Variants in CLSPN observed in about 807,000 individuals in gnomAD.
CLSPN encodes claspin.
In CLSPN, 85 loss-of-function variants were observed where a neutral mutation model predicts 156.3. The ratio of observed to expected loss-of-function variants is 0.54; its 90% CI spans 0.46 to 0.65. The LOEUF is 0.65. Ranked by LOEUF, CLSPN falls within the 30% of genes least tolerant of loss-of-function variation. The pLI is 0.00. For missense variants in CLSPN, 1,407 were observed against 1,554.9 expected (o/e 0.90, Z 1.60); for synonymous variants, 534 against 542.4 (o/e 0.98, Z 0.22).
chr1:35,738,100 GAA>G lies in CLSPN; in HGVS notation c.3559-5_3559-4del, dbSNP rs367728453. 112 of 355,768 alleles carry G rather than the reference GAA, an allele frequency of 3.1e-4. 6 individuals are homozygous for G. The highest frequency in any genetic ancestry group is 2.9e-3 in the Admixed American group (28 of 9,714). The allele number at this position is 355,768 out of a possible 1,614,324, so 22.0% of individuals were successfully genotyped here. A position where few individuals can be genotyped will look rare whatever the true frequency, so the allele number is the denominator to read the frequency against. On this transcript the variant is annotated splice_region_variant and splice_polypyrimidine_tract_variant and intron_variant, in intron 21 of 24. Transcript: ENST00000318121. ...GCTGTAATTTTCCCCTGCTGTGCCT[GAA>G]AAAAAAAAAAAATATATATATATAT...
chr1:35,722,178 C>T (rs751104613), intron 24 of CLSPN, among the ~76,000 whole-genome samples: 2 of 150,812 alleles, frequency 1.3e-5, no homozygotes, highest in Middle Eastern at 3.5e-3. Context: ...AAGCCTATAT[C>T]GTGCTCTGCA....
chr1:35,737,872 G>T, intron 22 of CLSPN, 120 bp downstream of exon 22: 1 of 514,788 alleles, frequency 1.9e-6, no homozygotes, highest in Non-Finnish European at 3.4e-6. Flanking sequence ...GCCTCTTTAA[G>T]ACAGTATTAG....
intron 23 of CLSPN, 60 bp downstream of exon 23, chr1:35,737,279 G>A: frequency 1.4e-6 from 2 of 1,450,152 alleles, no homozygotes; most frequent in Non-Finnish European, 1.9e-6. Context: ...TCTCTAAGCT[G>A]GACCTGGGCC....
At chr1:35,738,147 TAA>T in intron 21 of CLSPN, 50 bp from the exon 22 acceptor site, 1 of 708,832 alleles carries the variant, frequency 1.4e-6, no homozygotes, top group Non-Finnish European at 2.0e-6. Context: ...TATACAGCAT[TAA>T]AAGTCTATAA....
At position 35,768,753 on chromosome 1, in the gene CLSPN, T is replaced by C. The variant is rs61776922; in HGVS notation, c.24+1094A>G. On this transcript the variant is annotated intron_variant, in intron 1 of 24. Coordinates refer to ENST00000318121, the MANE Select transcript of CLSPN (RefSeq NM_022111.4). ...CAATCCAAAGCAGTAAAACTATTAC[T>C]TCTGTTTGTGAGTGTGGAAACCGAA... is the stretch of plus-strand genomic sequence containing the variant. Among the ~76,000 whole-genome samples the C allele has an allele frequency of 3.8e-3, 581 of 152,238 alleles. 1 individual carries two copies. Among genetic ancestry groups the C allele is most frequent in the Non-Finnish European group, 6.6e-3 (448 of 68,012 alleles).
chr1:35,736,091 G>T lies in CLSPN; in HGVS notation c.*405C>A, dbSNP rs150212867. ...AAATTAGCTGGGCGTATTGGCACAT[G>T]CCTGTAATCCCAGCTACTCGGGAGG... On this transcript the variant is annotated 3_prime_UTR_variant, in exon 25 of 25. Coordinates refer to ENST00000318121, the MANE Select transcript of CLSPN (RefSeq NM_022111.4). 1,985 of 528,490 alleles carry T rather than the reference G, an allele frequency of 3.8e-3. 19 individuals are homozygous for T. The highest frequency in any genetic ancestry group is 0.033 in the African/African-American group (1,600 of 48,262). 32.7% of individuals were successfully genotyped at this position (528,490 alleles called of 1,614,324 possible).
At position 35,733,622 on chromosome 1, in the gene CLSPN, T is replaced by G; in HGVS notation, c.*2874A>C. On this transcript the variant is annotated 3_prime_UTR_variant, in exon 25 of 25. Coordinates refer to ENST00000318121, the MANE Select transcript of CLSPN (RefSeq NM_022111.4). ...GAGTTCAAAGAAAGAGGCAAAAACA[T>G]GTATCTTGAACCCATGGATAAAATG... The G allele has an allele frequency of 1.0e-6, 1 of 985,420 alleles. No individual in the cohort carries two copies. 61.0% of individuals were successfully genotyped at this position (985,420 alleles called of 1,614,324 possible).
chr1:35,764,612 G>A lies in CLSPN; in HGVS notation c.236C>T (p.Thr79Ile). The change falls in exon 3 of 25, where the codon ACT becomes ATT. Residue 79 changes from threonine to isoleucine, a missense_variant. By Grantham distance (89) the Thr-to-Ile change is moderately conservative (BLOSUM62 -1). Transcript: ENST00000318121. ...TTCCTCCTCGGCACTGTCATAGGTA[G>A]TTTTCTCTGGAGAGGCATTTGTGTC... ...TEDTNASPEK[T>I]TYDSAEEENK... 5 of 1,613,104 alleles carry A rather than the reference G, an allele frequency of 3.1e-6. No homozygotes were observed. Among genetic ancestry groups the A allele is most frequent in the Non-Finnish European group, 4.2e-6 (5 of 1,179,678 alleles).
At chr1:35,756,896 G>A (rs1193548777) in intron 8 of CLSPN, among the ~76,000 whole-genome samples, 1 of 152,072 alleles carries the variant, frequency 6.6e-6, no homozygotes, top group Non-Finnish European at 1.5e-5. Context: ...TTCCTTTGCT[G>A]AAAACCTTTC....
At chr1:35,728,055 C>T (rs1641232757), downstream of CLSPN, among the ~76,000 whole-genome samples, 1 of 149,290 alleles carries the variant, frequency 6.7e-6, no homozygotes, top group Non-Finnish European at 1.5e-5. Flanking sequence ...AATGTTGCTG[C>T]TCAAGGTAAC....
chr1:35,755,755 C>CTGGAG (rs1227428376), intron 8 of CLSPN, among the ~76,000 whole-genome samples: 1 of 152,138 alleles, frequency 6.6e-6, no homozygotes, highest in Non-Finnish European at 1.5e-5. Flanking sequence ...GTTGCTCAGG[C>CTGGAG]TGGAGTGCAG....
At chr1:35,741,645 AT>A (rs1641694761) in intron 18 of CLSPN, among the ~76,000 whole-genome samples, 1 of 152,004 alleles carries the variant, frequency 6.6e-6, no homozygotes, top group Non-Finnish European at 1.5e-5. Flanking sequence ...TAAAATAAAT[AT>A]TTTACTTTCA....
chr1:35,763,235 A>T lies in CLSPN; in HGVS notation c.669T>A (p.Asn223Lys). The T allele has an allele frequency of 6.2e-7, 1 of 1,609,944 alleles. No homozygotes were observed. The highest frequency in any genetic ancestry group is 8.5e-7 in the Non-Finnish European group (1 of 1,178,886). ...DLFETGLEDE[N>K]NSPLEDEESL... Reference sequence around the variant, plus strand: ...ACTCTTCATCTTCCAATGGAGAGTTATTTTCATCCTCCAACCCAGTTTCAA... The same window carrying T: ...ACTCTTCATCTTCCAATGGAGAGTTTTTTTCATCCTCCAACCCAGTTTCAA... Residue 223 changes from asparagine (N) to lysine (K), a missense_variant, in exon 4 of 25, where the codon AAT (asparagine) becomes AAA (lysine). This residue lies in a region of CLSPN where 1,096 missense variants were observed against 1,193.0 expected (regional missense o/e 0.92). Coordinates refer to ENST00000318121, the MANE Select transcript of CLSPN (RefSeq NM_022111.4).
exon 25 of CLSPN, chr1:35,720,850 T>C (rs1336229615): frequency 7.1e-7 from 1 of 1,403,640 alleles, no homozygotes; most frequent in Admixed American, 1.7e-5. Flanking sequence ...CTGCCCAGAA[T>C]AGCCCTTCTC....
chr1:35,756,707 A>G (rs1642283650), intron 8 of CLSPN, among the ~76,000 whole-genome samples: 1 of 152,234 alleles, frequency 6.6e-6, no homozygotes, highest in Non-Finnish European at 1.5e-5. Flanking sequence ...AGCAACAGAA[A>G]TAATGTATTT....
chr1:35,755,598 G>A (rs1031151035), intron 8 of CLSPN, among the ~76,000 whole-genome samples: 5 of 151,926 alleles, frequency 3.3e-5, no homozygotes, highest in African/African-American at 4.8e-5. Flanking sequence ...TGTAGAGACC[G>A]GTTTTGCCAT....
chr1:35,721,176 C>T (rs1641065627), intron 24 of CLSPN, among the ~76,000 whole-genome samples: 1 of 152,100 alleles, frequency 6.6e-6, no homozygotes, highest in Non-Finnish European at 1.5e-5. Context: ...AAGGTGGTGA[C>T]CCCAGGGTCT....
rs920840363 is a variant in CLSPN at position 35,753,865 on chromosome 1, C to T, written c.1651G>A (p.Val551Met). 7 of 1,614,242 alleles carry T rather than the reference C, an allele frequency of 4.3e-6. No individual in the cohort carries two copies. The highest frequency in any genetic ancestry group is 5.9e-6 in the Non-Finnish European group (7 of 1,180,044). Residue 551 changes from valine to methionine, a missense_variant, in exon 9 of 25, where the codon GTG becomes ATG. Around this residue, in one of 3 missense-constraint regions of CLSPN, gnomAD observed 1,096 missense variants for 1,193.0 expected, o/e 0.92. Transcript: ENST00000318121. ...PAAKPRAGQT[V>M]NVNVIVKDMG... is the part of the protein sequence containing the mutation. ...TCTTTCACTATGACGTTCACATTCA[C>T]TGTCTGACCAGCCCTGGGTTTGGCT...
intron 12 of CLSPN, 61 bp from the exon 13 acceptor site, chr1:35,748,665 GAA>G (rs1284258215): frequency 5.3e-5 from 75 of 1,410,058 alleles, no homozygotes; most frequent in Non-Finnish European, 7.1e-5. Context: ...ATTTGTTTAG[GAA>G]AAAGAGTTGA....
Sources: gnomAD v4.1 joint callset for allele counts (sites outside exome capture counted in the v4.1 genomes callset) on GRCh38, gnomAD v4.1.1 for gene constraint, gnomAD v4.1.1 regional missense constraint, MANE v1.5 for transcripts, NCBI Gene and HGNC (gene_info 2026-07-23, HGNC 2026-07-21) for gene names.